SKA1: variants seen among roughly 807,000 people sequenced by gnomAD.
SKA1 encodes the protein spindle and kinetochore associated complex subunit 1.
In SKA1, 20 loss-of-function variants were observed where a neutral mutation model predicts 31.8. The observed-to-expected ratio is 0.63, with a 90% confidence interval of 0.44 to 0.91. SKA1 has a LOEUF of 0.91. Among genes scored for constraint, SKA1 ranks in the 40% least tolerant of loss-of-function variants. The pLI, the probability that SKA1 is intolerant of heterozygous loss-of-function variation, is 0.00. For synonymous variants in SKA1, 88 were observed against 100.5 expected (o/e 0.88, Z 0.74); for missense variants, 253 against 298.2 (o/e 0.85, Z 1.12).
intron 6 of SKA1, 103 bp from the exon 7 acceptor site, chr18:50,391,996 A>G: frequency 1.2e-6 from 1 of 802,430 alleles, no homozygotes; most frequent in African/African-American, 1.8e-5. Flanking sequence ...TTGGATACTA[A>G]CAGTAAAAAC....
intron 3 of SKA1, among the ~76,000 whole-genome samples, chr18:50,380,946 A>G (rs1408273265): frequency 6.6e-6 from 1 of 152,232 alleles, no homozygotes; most frequent in Non-Finnish European, 1.5e-5. Flanking sequence ...TATAATCCTT[A>G]AAGTCTGTAA....
At chr18:50,379,817 C>T (rs973168504) in intron 2 of SKA1, among the ~76,000 whole-genome samples, 9 of 152,150 alleles carry the variant, frequency 5.9e-5, no homozygotes, top group Admixed American at 4.6e-4. Flanking sequence ...CTCATGAAAG[C>T]TTAGCTGTGG....
intron 2 of SKA1, among the ~76,000 whole-genome samples, chr18:50,377,917 C>CTG (rs10678698): frequency 0.72 from 109,668 of 151,730 alleles, 39,767 homozygotes; most frequent in East Asian, 0.81. Context: ...GCTAAAGGGA[C>CTG]TGGGTTCATC....
At chr18:50,381,844 G>A (rs1262932569) in intron 3 of SKA1, among the ~76,000 whole-genome samples, 1 of 150,064 alleles carries the variant, frequency 6.7e-6, no homozygotes. Context: ...TCCCCCCTCA[G>A]CCTCCTGAGT....
chr18:50,384,655 A>AAGCCGTAAAGCTGTTAACTTACTGACTT (rs1568329676), intron 4 of SKA1, among the ~76,000 whole-genome samples: 5 of 137,152 alleles, frequency 3.6e-5, no homozygotes, highest in African/African-American at 1.4e-4. Context: ...GGTTAGAACA[A>AAGCCGTAAAGCTGTTAACTTACTGACTT]TGAGATCACA....
chr18:50,389,254 C>T (rs2041336163), intron 5 of SKA1, among the ~76,000 whole-genome samples: 1 of 151,946 alleles, frequency 6.6e-6, no homozygotes, highest in Non-Finnish European at 1.5e-5. Context: ...AAATTGCTAC[C>T]AATTAGCCAC....
At chr18:50,388,256 A>G (rs2041326645) in intron 5 of SKA1, among the ~76,000 whole-genome samples, 1 of 152,016 alleles carries the variant, frequency 6.6e-6, no homozygotes, top group Non-Finnish European at 1.5e-5. Flanking sequence ...ATGCCAGGCT[A>G]ATTTTTTGTA....
chr18:50,378,443 A>G (rs7232890), intron 2 of SKA1, among the ~76,000 whole-genome samples: 147,669 of 152,288 alleles, frequency 0.97, 71,626 homozygotes, highest in East Asian at 1. Context: ...TTGGGAGGCC[A>G]AGGCAGGCGG....
rs79351562 is a variant in SKA1, at chr18:50,375,757, G to T, written c.-11-63G>T. The T allele has an allele frequency of 7.2e-4, 782 of 1,092,130 alleles. 3 individuals are homozygous for T. Among genetic ancestry groups the T allele is most frequent in the Non-Finnish European group, 9.6e-4 (709 of 741,662 alleles). 67.7% of individuals were successfully genotyped at this position (1,092,130 alleles called of 1,614,324 possible). On this transcript the variant is annotated intron_variant, in intron 1 of 6. Transcript: ENST00000285116. ...TTGACATTGACCATTCTTGGATTTC[G>T]AAAGTGAACAGAAATTTGTGTGGCT...
intron 4 of SKA1, among the ~76,000 whole-genome samples, chr18:50,384,871 T>TTAAAAAAAAAAAAAAAAAAGA (rs2041291752): frequency 1.2e-5 from 1 of 82,600 alleles, no homozygotes; most frequent in African/African-American, 5.5e-5. Context: ...AAAAAAAAAT[T>TTAAAAAAAAAAAAAAAAAAGA]AAAAAAAAAA....
At chr18:50,391,798 G>C (rs1383279945) in intron 6 of SKA1, among the ~76,000 whole-genome samples, 2 of 152,056 alleles carry the variant, frequency 1.3e-5, no homozygotes, top group African/African-American at 4.8e-5. Flanking sequence ...ACTTGTCCAA[G>C]GTCATCCAGT....
chr18:50,382,648 T>C (rs1181720257), intron 4 of SKA1, among the ~76,000 whole-genome samples: 1 of 151,902 alleles, frequency 6.6e-6, no homozygotes, highest in Non-Finnish European at 1.5e-5. Context: ...CTCCAGACAT[T>C]GCCAAATGCC....
chr18:50,384,681 G>T (rs2041288976), intron 4 of SKA1, among the ~76,000 whole-genome samples: 1 of 113,238 alleles, frequency 8.8e-6, no homozygotes, highest in African/African-American at 4.5e-5. Flanking sequence ...ACAGGAAGGG[G>T]AATATCACAC....
chr18:50,391,188 G>A lies in SKA1; in HGVS notation c.514G>A (p.Val172Ile). 1 of 1,599,750 alleles carries A rather than the reference G, an allele frequency of 6.3e-7. No individual in the cohort carries two copies. Among genetic ancestry groups the A allele is most frequent in the East Asian group, 2.3e-5 (1 of 44,442 alleles). Residue 172 changes from valine to isoleucine, a missense_variant, in exon 6 of 7, where the codon GTA (valine) becomes ATA (isoleucine). By Grantham distance (29) the Val-to-Ile change is conservative. Transcript: ENST00000285116. ...NDVIKEINKAVISKYKILHQP... is the reference protein window; with the variant it reads ...NDVIKEINKAIISKYKILHQP... ...TGTTATTAAAGAAATCAACAAGGCA[G>A]TAATTAGTAAATATAAAATCCTACA... is the stretch of plus-strand genomic sequence containing the variant.
intron 5 of SKA1, among the ~76,000 whole-genome samples, chr18:50,390,801 T>A (rs1223960126): frequency 1.3e-5 from 2 of 152,124 alleles, no homozygotes; most frequent in East Asian, 3.8e-4. Context: ...TTGCTCACAT[T>A]TAAAACTGTT....
At chr18:50,381,600 G>GA (rs2041262814) in intron 3 of SKA1, among the ~76,000 whole-genome samples, 1 of 151,676 alleles carries the variant, frequency 6.6e-6, no homozygotes, top group East Asian at 1.9e-4. Flanking sequence ...ATTGTTCCCT[G>GA]AAAAAAATCC....
intron 1 of SKA1, 33 bp from the exon 2 acceptor site, chr18:50,375,787 T>C (rs533868456): frequency 2.2e-6 from 3 of 1,360,480 alleles, no homozygotes; most frequent in Admixed American, 2.2e-5. Context: ...GTGGCTTTTC[T>C]TGTTACGAAT....
intron 4 of SKA1, among the ~76,000 whole-genome samples, chr18:50,384,197 C>T (rs2041284047): frequency 6.6e-6 from 1 of 152,170 alleles, no homozygotes. Context: ...ATTTACCATT[C>T]AGATAAGATA....
chr18:50,382,153 G>C lies in SKA1; in HGVS notation c.238G>C (p.Asp80His), dbSNP rs142682220. 6.5e-6 allele frequency: 10 copies of C among 1,543,186 alleles called. No homozygotes were observed. The highest frequency in any genetic ancestry group is 8.7e-6 in the Non-Finnish European group (10 of 1,153,556). ...LKELCESLEE[D>H]YKDIEHLKEN... is the part of the protein sequence containing the mutation. ...GGAACTCTGTGAATCTCTTGAAGAA[G>C]ATTACAAAGACATAGAACATCTTAA... Residue 80 changes from aspartate (D) to histidine (H), a missense_variant, in exon 4 of 7, where the codon GAT (aspartate) becomes CAT (histidine). Coordinates refer to ENST00000285116, the MANE Select transcript of SKA1 (RefSeq NM_145060.4).
Sources: gnomAD v4.1 joint callset for allele counts (sites outside exome capture counted in the v4.1 genomes callset) on GRCh38, gnomAD v4.1.1 for gene constraint, MANE v1.5 for transcripts, NCBI Gene and HGNC (gene_info 2026-07-23, HGNC 2026-07-21) for gene names.